Variants in FGD4 observed in about 807,000 individuals in gnomAD.
FGD4 encodes the protein FYVE, RhoGEF and PH domain-containing protein 4.
A neutral mutation model predicts 102.0 loss-of-function variants in FGD4; 42 were observed. The observed-to-expected ratio is 0.41, with a 90% CI of 0.32 to 0.53. The LOEUF (loss-of-function observed/expected upper bound fraction) is 0.53. FGD4 is among the 20% of genes least tolerant of loss of function. FGD4 has a pLI of 0.21. For synonymous variants in FGD4, 380 were observed against 375.7 expected (o/e 1.01, Z -0.13); for missense variants, 902 against 1,078.2 (o/e 0.84, Z 2.29).
At chr12:32,462,848 G>A (rs541194923) in intron 1 of FGD4, among the ~76,000 whole-genome samples, 13 of 152,262 alleles carry the variant, frequency 8.5e-5, no homozygotes, top group African/African-American at 2.9e-4. Context: ...TGCCATTGCC[G>A]TAATATAAAA....
rs138000612 is a variant in FGD4, at chr12:32,443,214, C to T, written c.166+43255C>T. On this transcript the variant is annotated intron_variant, in intron 1 of 16. Coordinates refer to ENST00000534526, the MANE Select transcript of FGD4 (RefSeq NM_001370298.3). Reference sequence around the variant, plus strand: ...GTGCTTTTAGACATAGGCACAGTAACAGGAGTTATGTCTGACAATCTGACA... The same window carrying T: ...GTGCTTTTAGACATAGGCACAGTAATAGGAGTTATGTCTGACAATCTGACA... 2.8e-3 allele frequency among the ~76,000 whole-genome samples: 429 copies of T among 152,234 alleles called. 2 individuals carry two copies. The highest frequency in any genetic ancestry group is 1.0e-2 in the African/African-American group (415 of 41,544).
Position 32,582,430 on chromosome 12 carries a change from T to C in FGD4, c.974T>C (p.Leu325Pro). ...GAGAGGGAAAATGGGGAAAGCCCTC[T>C]GGAACTGGAGCAGCTGGACCAGCAC... ...VQERENGESP[L>P]ELEQLDQHHE... is the part of the protein sequence containing the mutation. The change falls in exon 4 of 17, where the codon CTG becomes CCG. Residue 325 changes from leucine (L) to proline (P), a missense_variant. Leu to Pro is a moderately conservative substitution (Grantham distance 98). This residue lies in a region of FGD4 where 443 missense variants were observed against 459.2 expected (regional missense o/e 0.96). Transcript: ENST00000534526. 1.9e-6 allele frequency: 3 copies of C among 1,612,970 alleles called. No homozygotes were observed. The highest frequency in any genetic ancestry group is 2.5e-6 in the Non-Finnish European group (3 of 1,180,022).
chr12:32,418,546 T>G (rs1591861354), intron 1 of FGD4, among the ~76,000 whole-genome samples: 2 of 152,282 alleles, frequency 1.3e-5, no homozygotes, highest in Middle Eastern at 3.4e-3. Flanking sequence ...TCTCTTCCTT[T>G]ATTTTCTCCC....
Position 32,556,017 on chromosome 12 carries a change from C to A in FGD4, c.167-8120C>A, listed in dbSNP as rs1024948318. Among the ~76,000 whole-genome samples the A allele has an allele frequency of 5.3e-5, 8 of 151,508 alleles. No individual in the cohort carries two copies. The South Asian group carries it at 1.7e-3, about 31-fold the overall frequency. ...CATGCCCAGCTAATTTTTTTTTTTACTTTTTGTAGAGATAGTGTCTTGCTG... is the reference window on the plus strand; with the variant it reads ...CATGCCCAGCTAATTTTTTTTTTTAATTTTTGTAGAGATAGTGTCTTGCTG... On this transcript the variant is annotated intron_variant, in intron 1 of 16. Coordinates refer to ENST00000534526, the MANE Select transcript of FGD4 (RefSeq NM_001370298.3).
chr12:32,538,441 T>C (rs909268516), intron 1 of FGD4, among the ~76,000 whole-genome samples: 1 of 152,222 alleles, frequency 6.6e-6, no homozygotes, highest in Non-Finnish European at 1.5e-5. Flanking sequence ...TTCCCTTCAG[T>C]TCTCTTTTAA....
chr12:32,446,334 C>T (rs540983862), intron 1 of FGD4, among the ~76,000 whole-genome samples: 5 of 152,122 alleles, frequency 3.3e-5, no homozygotes, highest in Non-Finnish European at 7.4e-5. Flanking sequence ...CGCCCAGCCC[C>T]CACCCTCACC....
At chr12:32,566,111 G>A (rs116258126) in intron 2 of FGD4, among the ~76,000 whole-genome samples, 1,720 of 152,290 alleles carry the variant, frequency 0.011, 28 homozygotes, top group East Asian at 0.033. Flanking sequence ...GGTCTGATGA[G>A]GGCTTGCTTT....
intron 1 of FGD4, among the ~76,000 whole-genome samples, chr12:32,562,864 T>C (rs1944746488): frequency 6.6e-6 from 1 of 152,156 alleles, no homozygotes; most frequent in Non-Finnish European, 1.5e-5. Flanking sequence ...TTCCCCACCT[T>C]TCCCCCCTTT....
intron 2 of FGD4, among the ~76,000 whole-genome samples, chr12:32,575,028 G>A (rs1487811512): frequency 6.6e-6 from 1 of 152,154 alleles, no homozygotes; most frequent in African/African-American, 2.4e-5. Context: ...TTTACTGATT[G>A]TGCACTTACG....
At chr12:32,486,018 G>C in intron 1 of FGD4, 4 of 1,456,128 alleles carry the variant, frequency 2.7e-6, no homozygotes, top group Non-Finnish European at 3.6e-6. Flanking sequence ...TGTGTCTAGT[G>C]TCTAAATACA....
Position 32,399,860 on chromosome 12 carries a change from C to T in FGD4, c.67C>T (p.Leu23=). 1.3e-6 allele frequency: 2 copies of T among 1,531,318 alleles called. No individual in the cohort carries two copies. Among genetic ancestry groups the T allele is most frequent in the Non-Finnish European group, 1.7e-6 (2 of 1,145,196 alleles). 94.9% of individuals were successfully genotyped at this position (1,531,318 alleles called of 1,614,324 possible). A position where few individuals can be genotyped will look rare whatever the true frequency, so the allele number is the denominator to read the frequency against. ...AIRRKSNPSY[L]PPGVPRPWSR... is the part of the protein sequence containing the mutation. ...CCGGCGGAAGTCCAACCCCTCCTAC[C>T]TGCCGCCCGGGGTGCCCCGGCCCTG... Residue 23 remains leucine, a synonymous_variant, in exon 1 of 17, where the codon CTG becomes TTG. Transcript: ENST00000534526.
intron 1 of FGD4, among the ~76,000 whole-genome samples, chr12:32,431,998 T>C (rs1022300714): frequency 1.2e-4 from 18 of 151,986 alleles, no homozygotes; most frequent in African/African-American, 4.1e-4. Flanking sequence ...GGGCACCTTA[T>C]TTAAAATTGG....
intron 7 of FGD4, among the ~76,000 whole-genome samples, chr12:32,603,129 T>G (rs932162046): frequency 2.6e-5 from 4 of 152,198 alleles, no homozygotes; most frequent in Non-Finnish European, 5.9e-5. Context: ...GTATATTAAG[T>G]TTTTATATGT....
At chr12:32,409,846 T>C (rs1376828226) in intron 1 of FGD4, among the ~76,000 whole-genome samples, 3 of 152,062 alleles carry the variant, frequency 2.0e-5, no homozygotes, top group African/African-American at 7.2e-5. Flanking sequence ...AGAAGTTGTG[T>C]GTATGTTTGT....
At chr12:32,416,238 A>C (rs1297377177) in intron 1 of FGD4, among the ~76,000 whole-genome samples, 5 of 152,190 alleles carry the variant, frequency 3.3e-5, no homozygotes, top group African/African-American at 4.8e-5. Flanking sequence ...GTGCTCAAGC[A>C]ATCTGCTCAC....
chr12:32,560,520 T>C (rs1944452013), intron 1 of FGD4, among the ~76,000 whole-genome samples: 1 of 152,162 alleles, frequency 6.6e-6, no homozygotes, highest in African/African-American at 2.4e-5. Flanking sequence ...CCTCGCAAAG[T>C]GTTGAGATTA....
chr12:32,453,209 T>TAAA (rs1254493783), intron 1 of FGD4, among the ~76,000 whole-genome samples: 44 of 48,862 alleles, frequency 9.0e-4, no homozygotes, highest in East Asian at 1.7e-3. Flanking sequence ...ATTATATATA[T>TAAA]ATATATATAT....
In FGD4 at chr12:32,611,249, G is replaced by A. The variant is rs762788330; in HGVS notation, c.1715G>A (p.Arg572Gln). The A allele has an allele frequency of 4.3e-6, 7 of 1,614,138 alleles. No individual in the cohort carries two copies. Among genetic ancestry groups the A allele is most frequent in the South Asian group, 1.1e-5 (1 of 91,078 alleles). Reference sequence around the variant, plus strand: ...GGACAGATCCTCAAACTAGCTGCTCGGAACACTTCAGCACAAGAACGCTAC... The same window carrying A: ...GGACAGATCCTCAAACTAGCTGCTCAGAACACTTCAGCACAAGAACGCTAC... ...KEGQILKLAA[R>Q]NTSAQERYLF... Residue 572 changes from arginine (R) to glutamine (Q), a missense_variant, in exon 10 of 17, where the codon CGG becomes CAG. By Grantham distance (43) the Arg-to-Gln change is conservative. Coordinates refer to ENST00000534526, the MANE Select transcript of FGD4 (RefSeq NM_001370298.3).
At chr12:32,475,696 C>T (rs976941322) in intron 1 of FGD4, among the ~76,000 whole-genome samples, 1 of 152,150 alleles carries the variant, frequency 6.6e-6, no homozygotes, top group South Asian at 2.1e-4. Context: ...AGTTTTAGAA[C>T]CACTGGTCTA....
Sources: gnomAD v4.1 joint callset for allele counts (sites outside exome capture counted in the v4.1 genomes callset) on GRCh38, gnomAD v4.1.1 for gene constraint, gnomAD v4.1.1 regional missense constraint, MANE v1.5 for transcripts, NCBI Gene and HGNC (gene_info 2026-07-23, HGNC 2026-07-21) for gene names.